NEK3: variants seen among roughly 807,000 people sequenced by gnomAD.
The protein encoded by NEK3 is serine/threonine-protein kinase Nek3.
In NEK3, 54 loss-of-function variants were observed where a neutral mutation model predicts 66.0. The observed-to-expected ratio is 0.82, with a 90% CI of 0.66 to 1.03. The LOEUF (loss-of-function observed/expected upper bound fraction) is 1.03, where lower values mean the gene tolerates loss of function less well. Among genes scored for constraint, NEK3 ranks in the 50% least tolerant of loss-of-function variants. The pLI, the probability that NEK3 is intolerant of heterozygous loss-of-function variation, is 0.00. For missense variants in NEK3, 593 were observed against 603.0 expected, an observed-to-expected ratio of 0.98 and a Z score of 0.17; for synonymous variants, 200 against 206.2, an observed-to-expected ratio of 0.97 and a Z score of 0.26.
At chr13:52,145,162 A>T (rs1956283842) in intron 8 of NEK3, among the ~76,000 whole-genome samples, 1 of 152,196 alleles carries the variant, frequency 6.6e-6, no homozygotes, top group Non-Finnish European at 1.5e-5. Context: ...TTTTGCAGAT[A>T]TACATTATTA....
At chr13:52,139,953 G>A (rs534216679) in intron 11 of NEK3, among the ~76,000 whole-genome samples, 2 of 149,794 alleles carry the variant, frequency 1.3e-5, no homozygotes, top group East Asian at 4.0e-4. Context: ...TATAATCCCA[G>A]CACTTTAAGA....
In NEK3 at chr13:52,133,071, C is replaced by G. The variant is rs545227163; in HGVS notation, c.*71G>C. On this transcript the variant is annotated 3_prime_UTR_variant, in exon 16 of 16. Coordinates refer to ENST00000610828, the MANE Select transcript of NEK3 (RefSeq NM_002498.3). The stretch of plus-strand genomic sequence containing the variant: ...AAGGAAAATATACGTCGCATGAACT[C>G]ATGATCATCTCAGCATGAACTCCTG... The G allele has an allele frequency of 8.3e-7, 1 of 1,208,292 alleles. No homozygotes were observed. Among genetic ancestry groups the G allele is most frequent in the South Asian group, 1.3e-5 (1 of 77,472 alleles). The allele number at this position is 1,208,292 out of a possible 1,614,324, so 74.8% of individuals were successfully genotyped here. A position where few individuals can be genotyped will look rare whatever the true frequency, so the allele number is the denominator to read the frequency against.
chr13:52,145,915 C>A (rs1318021232), intron 8 of NEK3, among the ~76,000 whole-genome samples: 2 of 151,946 alleles, frequency 1.3e-5, no homozygotes, highest in Non-Finnish European at 2.9e-5. Flanking sequence ...AACAAAGCTG[C>A]GTACTCTGAA....
chr13:52,151,263 C>G (rs747776577), intron 6 of NEK3, 31 bp from the exon 7 acceptor site: 2 of 1,596,398 alleles, frequency 1.3e-6, no homozygotes, highest in Admixed American at 1.8e-5. Flanking sequence ...CGAATGATTA[C>G]AGAACATTCC....
At chr13:52,157,715 G>A (rs537581792) in intron 1 of NEK3, among the ~76,000 whole-genome samples, 1 of 152,174 alleles carries the variant, frequency 6.6e-6, no homozygotes, top group Non-Finnish European at 1.5e-5. Flanking sequence ...TAGCACATAA[G>A]AGAAAATGGA....
intron 15 of NEK3, 61 bp from the exon 16 acceptor site, chr13:52,133,287 G>T: frequency 7.7e-7 from 1 of 1,295,490 alleles, no homozygotes; most frequent in Non-Finnish European, 1.1e-6. Flanking sequence ...CTGTTGATGA[G>T]TTCAAAGCGG....
At chr13:52,148,261 A>G in intron 8 of NEK3, 154 bp downstream of exon 8, 1 of 602,548 alleles carries the variant, frequency 1.7e-6, no homozygotes, top group East Asian at 2.6e-5. Context: ...ATGCTACAAA[A>G]CTAACTCAGG....
At chr13:52,152,457 G>A (rs141014990) in intron 5 of NEK3, among the ~76,000 whole-genome samples, 152 bp downstream of exon 5, 1 of 152,138 alleles carries the variant, frequency 6.6e-6, no homozygotes, top group East Asian at 1.9e-4. Flanking sequence ...AAGAAAGGTG[G>A]GGGAATTTAA....
chr13:52,151,338 G>GCGTC lies in NEK3; in HGVS notation c.447_448insGACG (p.Arg150AspfsTer32). ...AGACATACATACTTGGAGAGAAGAC[G>GCGTC]GGCAGATCCAAAGTCTCCCAATTTC... On this transcript the variant is annotated frameshift_variant, in exon 6 of 16. Coordinates refer to ENST00000610828, the MANE Select transcript of NEK3 (RefSeq NM_002498.3). LOFTEE classifies it high-confidence loss of function. 5 of 1,598,668 alleles carry GCGTC rather than the reference G, an allele frequency of 3.1e-6. No individual in the cohort carries two copies. The highest frequency in any genetic ancestry group is 4.3e-6 in the Non-Finnish European group (5 of 1,172,224).
intron 1 of NEK3, among the ~76,000 whole-genome samples, chr13:52,158,159 G>A (rs111845592): frequency 0.039 from 5,972 of 152,322 alleles, 128 homozygotes; most frequent in South Asian, 0.065. Context: ...TTACAGGCGT[G>A]AGCCACCCCG....
chr13:52,144,359 T>C (rs1035495882), intron 9 of NEK3, among the ~76,000 whole-genome samples: 1 of 152,066 alleles, frequency 6.6e-6, no homozygotes, highest in African/African-American at 2.4e-5. Flanking sequence ...GAGGTTGCAG[T>C]GAGCCAAGAT....
intron 1 of NEK3, 27 bp downstream of exon 1, chr13:52,159,516 C>A (rs1170901433): frequency 6.6e-6 from 1 of 152,404 alleles, no homozygotes; most frequent in African/African-American, 2.4e-5. Flanking sequence ...GTTCTAGAGG[C>A]AGCCCGCCAG....
chr13:52,134,256 C>T (rs1566848331), intron 14 of NEK3, among the ~76,000 whole-genome samples: 1 of 151,970 alleles, frequency 6.6e-6, no homozygotes, highest in Non-Finnish European at 1.5e-5. Flanking sequence ...AACTCCTGAG[C>T]TCAAGCAATC....
Position 52,148,484 on chromosome 13 carries a change from A to G in NEK3, c.549-15T>C. The G allele has an allele frequency of 6.2e-7, 1 of 1,612,522 alleles. No homozygotes were observed. The highest frequency in any genetic ancestry group is 8.5e-7 in the Non-Finnish European group (1 of 1,178,736). The stretch of plus-strand genomic sequence containing the variant: ...ACCAGATGTCACTGAAAGCATAAAG[A>G]AGCAATGTAATCACAAGCAGGTTAC... On this transcript the variant is annotated splice_polypyrimidine_tract_variant and intron_variant, in intron 7 of 15. Transcript: ENST00000610828.
chr13:52,148,325 G>A (rs1284587425), intron 8 of NEK3, 90 bp downstream of exon 8: 7 of 1,236,982 alleles, frequency 5.7e-6, no homozygotes, highest in Non-Finnish European at 8.2e-6. Context: ...TTCATCCTAG[G>A]GAAGCAAACT....
chr13:52,139,057 G>C (rs1375555898), intron 11 of NEK3, among the ~76,000 whole-genome samples: 5 of 152,202 alleles, frequency 3.3e-5, no homozygotes, highest in Non-Finnish European at 4.4e-5. Flanking sequence ...CAGCTTTAGG[G>C]AAGCTTCAGT....
chr13:52,140,714 T>C (rs1407853987), intron 11 of NEK3, among the ~76,000 whole-genome samples: 1 of 152,086 alleles, frequency 6.6e-6, no homozygotes, highest in Non-Finnish European at 1.5e-5. Context: ...TGCCAAAAAA[T>C]GAAGGAAGAA....
chr13:52,141,171 T>G, intron 10 of NEK3, 102 bp from the exon 11 acceptor site: 1 of 1,013,436 alleles, frequency 9.9e-7, no homozygotes, highest in Non-Finnish European at 1.4e-6. Flanking sequence ...TGAGTGAGGT[T>G]ATTAAAGTCA....
chr13:52,149,738 G>A (rs955224904), intron 7 of NEK3, among the ~76,000 whole-genome samples: 4 of 152,010 alleles, frequency 2.6e-5, no homozygotes, highest in Admixed American at 6.6e-5. Flanking sequence ...GTGTGGCGGC[G>A]GGCGCCTGTA....
Sources: gnomAD v4.1 joint callset for allele counts (sites outside exome capture counted in the v4.1 genomes callset) on GRCh38, gnomAD v4.1.1 for gene constraint, MANE v1.5 for transcripts, NCBI Gene and HGNC (gene_info 2026-07-23, HGNC 2026-07-21) for gene names.